SLC36A2: variants seen among roughly 807,000 people sequenced by gnomAD.
SLC36A2 encodes the protein solute carrier family 36 member 2, also known as proton-coupled amino acid transporter 2.
SLC36A2 carries 39 observed loss-of-function variants against 42.7 expected under a neutral mutation model. The ratio of observed to expected loss-of-function variants is 0.91; its 90% CI spans 0.71 to 1.19. The LOEUF (loss-of-function observed/expected upper bound fraction) is 1.19. Among genes scored for constraint, SLC36A2 ranks in the 50% most tolerant of loss-of-function variants. The pLI is 0.00. For synonymous variants in SLC36A2, 237 were observed against 240.8 expected (o/e 0.98, Z 0.15); for missense variants, 590 against 613.7 (o/e 0.96, Z 0.41).
At chr5:151,323,606 T>C (rs1371848035) in intron 8 of SLC36A2, among the ~76,000 whole-genome samples, 2 of 152,194 alleles carry the variant, frequency 1.3e-5, no homozygotes, top group African/African-American at 2.4e-5. Context: ...ACCAGAGTGG[T>C]CCATGTTTGG....
At chr5:151,340,384 G>A (rs1756308319) in intron 4 of SLC36A2, among the ~76,000 whole-genome samples, 1 of 152,182 alleles carries the variant, frequency 6.6e-6, no homozygotes, top group African/African-American at 2.4e-5. Flanking sequence ...TGAACTTGAG[G>A]TTCCTATAGG....
At position 151,339,106 on chromosome 5, in the gene SLC36A2, C is replaced by A; in HGVS notation, c.479G>T (p.Gly160Val). The A allele has an allele frequency of 6.2e-7, 1 of 1,610,168 alleles. No homozygotes were observed. The change falls in exon 5 of 10, where the codon GGC becomes GTC. Residue 160 changes from glycine to valine, a missense_variant. By Grantham distance (109) the Gly-to-Val change is moderately radical. Coordinates refer to ENST00000335244, the MANE Select transcript of SLC36A2 (RefSeq NM_181776.3). ...AAACACAATGTACACACAGCAGAAG[C>A]CAAGTTGGGTGATAATAAGGAAGAA... is the stretch of plus-strand genomic sequence containing the variant. ...VSFFLIITQL[G>V]FCCVYIVFLA...
intron 2 of SLC36A2, 33 bp downstream of exon 2, chr5:151,344,144 C>T (rs746518297): frequency 6.3e-7 from 1 of 1,599,574 alleles, no homozygotes; most frequent in Admixed American, 1.7e-5. Flanking sequence ...CTGCAACTGA[C>T]CATAAAGCCC....
chr5:151,323,883 G>A (rs1755775883), intron 8 of SLC36A2, among the ~76,000 whole-genome samples: 2 of 152,204 alleles, frequency 1.3e-5, no homozygotes, highest in African/African-American at 2.4e-5. Flanking sequence ...TTGATGAGTG[G>A]CATTATCATG....
intron 6 of SLC36A2, among the ~76,000 whole-genome samples, chr5:151,334,778 T>C (rs987442885): frequency 1.6e-4 from 25 of 152,218 alleles, no homozygotes; most frequent in African/African-American, 5.1e-4. Context: ...ATGTCCATAA[T>C]TCAACATCAA....
chr5:151,318,528 T>A (rs962133044), intron 9 of SLC36A2, among the ~76,000 whole-genome samples: 5 of 126,798 alleles, frequency 3.9e-5, no homozygotes, highest in South Asian at 2.4e-4. Flanking sequence ...AAAAATATAA[T>A]AATTATTTAT....
At chr5:151,341,697 A>C (rs553481708) in intron 4 of SLC36A2, among the ~76,000 whole-genome samples, 5 of 152,234 alleles carry the variant, frequency 3.3e-5, no homozygotes, top group African/African-American at 1.2e-4. Flanking sequence ...TTTTCTTCTC[A>C]CCATATAACC....
rs545514137 is a variant in SLC36A2 at position 151,333,207 on chromosome 5, C to T, written c.843+17G>A. ...TCACAAGCACTAGGGATAAGGCCAC[C>T]TCAATTCAAACCTTACCACACCAAT... On this transcript the variant is annotated intron_variant, in intron 7 of 9. Coordinates refer to ENST00000335244, the MANE Select transcript of SLC36A2 (RefSeq NM_181776.3). The T allele has an allele frequency of 1.9e-6, 3 of 1,608,424 alleles. No homozygotes were observed. The East Asian group carries it at 6.7e-5, about 36-fold the overall frequency.
In SLC36A2 at chr5:151,321,958, G is replaced by A. The variant is rs1755705588; in HGVS notation, c.1180+88C>T. On this transcript the variant is annotated intron_variant, in intron 9 of 9. Coordinates refer to ENST00000335244, the MANE Select transcript of SLC36A2 (RefSeq NM_181776.3). ...CTCCCAAAGTGCCAGGATTACAGGTGTAAGCCAATGCATCCGGCCCATCTG... is the reference window on the plus strand; with the variant it reads ...CTCCCAAAGTGCCAGGATTACAGGTATAAGCCAATGCATCCGGCCCATCTG... The A allele has an allele frequency of 2.6e-6, 4 of 1,556,356 alleles. No homozygotes were observed. The East Asian group carries it at 6.8e-5, about 26-fold the overall frequency.
In SLC36A2 at chr5:151,344,246, G is replaced by A; in HGVS notation, c.186C>T (p.His62=). 3 of 1,613,938 alleles carry A rather than the reference G, an allele frequency of 1.9e-6. No individual in the cohort carries two copies. The highest frequency in any genetic ancestry group is 1.7e-6 in the Non-Finnish European group (2 of 1,179,888). ...CTGTGCCCATGTTGCCTTTCACCAG[G>A]TGAATCAAGGCCTGGAACACTCTAA... is the stretch of plus-strand genomic sequence containing the variant. ...KGITVFQALI[H]LVKGNMGTGI... The change falls in exon 2 of 10, where the codon CAC becomes CAT. Residue 62 remains histidine (H), a synonymous_variant. Coordinates refer to ENST00000335244, the MANE Select transcript of SLC36A2 (RefSeq NM_181776.3).
At chr5:151,345,070 C>T (rs1011902185) in intron 1 of SLC36A2, among the ~76,000 whole-genome samples, 4 of 152,134 alleles carry the variant, frequency 2.6e-5, no homozygotes, top group Non-Finnish European at 5.9e-5. Flanking sequence ...CGAAGGTTTG[C>T]CCGGAGGACA....
At position 151,339,135 on chromosome 5, in the gene SLC36A2, C is replaced by G. The variant is rs1756246441; in HGVS notation, c.450G>C (p.Val150=). The G allele has an allele frequency of 6.2e-7, 1 of 1,607,204 alleles. No homozygotes were observed. Among genetic ancestry groups the G allele is most frequent in the African/African-American group, 1.3e-5 (1 of 74,702 alleles). ...GTTGGGTGATAATAAGGAAGAAGCT[C>G]ACGATATGCCTAGAAGGGAGAAGAG... ...QNHAHWGRHI[V]SFFLIITQLG... Residue 150 remains valine, a synonymous_variant, in exon 5 of 10, where the codon GTG becomes GTC. Transcript: ENST00000335244.
chr5:151,322,212 C>G lies in SLC36A2; in HGVS notation c.1014G>C (p.Leu338=). Reference sequence around the variant, plus strand: ...TGTAGAGAAGCTTGACAGACTGGTACAGCCTGCAAGACAAACCACAGAGCT... The same window carrying G: ...TGTAGAGAAGCTTGACAGACTGGTAGAGCCTGCAAGACAAACCACAGAGCT... ...SISLNLPNCW[L]YQSVKLLYIA... Residue 338 remains leucine, a synonymous_variant, in exon 9 of 10, where the codon CTG becomes CTC. Coordinates refer to ENST00000335244, the MANE Select transcript of SLC36A2 (RefSeq NM_181776.3). The G allele has an allele frequency of 1.9e-6, 3 of 1,614,016 alleles. No individual in the cohort carries two copies. The highest frequency in any genetic ancestry group is 1.7e-6 in the Non-Finnish European group (2 of 1,179,958).
intron 8 of SLC36A2, among the ~76,000 whole-genome samples, chr5:151,322,501 C>T (rs1412406167): frequency 6.6e-6 from 1 of 152,240 alleles, no homozygotes; most frequent in Non-Finnish European, 1.5e-5. Flanking sequence ...TCGCTACCAT[C>T]TGATGCTCAA....
At position 151,319,090 on chromosome 5, in the gene SLC36A2, A is replaced by C. The variant is rs1408391180; in HGVS notation, c.1181-2002T>G. 1.1e-5 allele frequency: 10 copies of C among 897,940 alleles called. No homozygotes were observed. In the East Asian group the frequency reaches 1.2e-3, roughly 107 times the overall value. The allele number at this position is 897,940 out of a possible 1,614,324, so 55.6% of individuals were successfully genotyped here. On this transcript the variant is annotated intron_variant, in intron 9 of 9. Transcript: ENST00000335244. ...CTGCAAAATGGAGATGAAGGCTACTATCCTTTTAGGTATTGTGATTCATTC... is the reference window on the plus strand; with the variant it reads ...CTGCAAAATGGAGATGAAGGCTACTCTCCTTTTAGGTATTGTGATTCATTC...
At chr5:151,333,572 A>G (rs6869997) in intron 6 of SLC36A2, among the ~76,000 whole-genome samples, 15 of 151,416 alleles carry the variant, frequency 9.9e-5, no homozygotes, top group African/African-American at 3.6e-4. Context: ...TTTATGAAAA[A>G]CCTCCAAAAG....
At chr5:151,317,174 A>G (rs551682206) in intron 9 of SLC36A2, 86 bp from the exon 10 acceptor site, 2 of 1,522,672 alleles carry the variant, frequency 1.3e-6, no homozygotes, top group South Asian at 2.4e-5. Flanking sequence ...CTTCTTGGCC[A>G]GGCACAGTGG....
chr5:151,329,804 G>T (rs1199649511), intron 7 of SLC36A2, among the ~76,000 whole-genome samples: 1 of 152,144 alleles, frequency 6.6e-6, no homozygotes, highest in African/African-American at 2.4e-5. Flanking sequence ...GAAACCTGTG[G>T]GATATACAGT....
chr5:151,342,836 A>G (rs1201005165), intron 4 of SLC36A2, 52 bp downstream of exon 4: 3 of 1,491,960 alleles, frequency 2.0e-6, no homozygotes, highest in Non-Finnish European at 2.8e-6. Flanking sequence ...TGATAGCAGC[A>G]TTTTCTCCTC....
Sources: allele counts gnomAD v4.1 joint callset (sites outside exome capture counted in the v4.1 genomes callset), GRCh38; gene constraint gnomAD v4.1.1; transcripts MANE v1.5; gene names NCBI Gene and HGNC (gene_info 2026-07-23, HGNC 2026-07-21).